Variants in SRP68 observed in about 807,000 individuals in gnomAD.
SRP68 encodes the protein signal recognition particle subunit SRP68.
Under a neutral mutation model 82.2 loss-of-function variants are expected in SRP68, and 15 were observed. That is an observed-to-expected ratio of 0.18 (90% CI 0.12 to 0.28). The LOEUF is 0.28. Among genes scored for constraint, SRP68 ranks in the 10% least tolerant of loss-of-function variants. The pLI is 1.00. For synonymous variants in SRP68, 261 were observed against 292.6 expected, an observed-to-expected ratio of 0.89 and a Z score of 1.10; for missense variants, 595 against 780.5, an observed-to-expected ratio of 0.76 and a Z score of 2.83.
chr17:76,064,240 A>G, intron 3 of SRP68, 69 bp from the exon 4 acceptor site: 2 of 1,420,266 alleles, frequency 1.4e-6, no homozygotes, highest in East Asian at 4.6e-5. Context: ...CTGAGGTGTA[A>G]TCTTCGGCTT....
Position 76,039,458 on chromosome 17 carries a change from C to A in SRP68, c.*248G>T, listed in dbSNP as rs2066572341. 1.5e-6 allele frequency: 1 copy of A among 648,942 alleles called. No homozygotes were observed. Among genetic ancestry groups the A allele is most frequent in the East Asian group, 3.0e-5 (1 of 33,124 alleles). The allele number at this position is 648,942 out of a possible 1,614,324, so 40.2% of individuals were successfully genotyped here. ...CTCACAGGGCACCAGACAGCAGCGG[C>A]CCCTTTCCCAGGAGGTACAGGAGAC... On this transcript the variant is annotated 3_prime_UTR_variant, in exon 16 of 16. Coordinates refer to ENST00000307877, the MANE Select transcript of SRP68 (RefSeq NM_014230.4).
In SRP68 at chr17:76,062,729, T is replaced by TTATATATA. The variant is rs200522360; in HGVS notation, c.562-1163_562-1156dup. On this transcript the variant is annotated intron_variant, in intron 4 of 15. Transcript: ENST00000307877. ...TATTATACAATATATTATATTTATT[T>TTATATATA]TATATATATATATATATATATATAT... Among the ~76,000 whole-genome samples the TTATATATA allele has an allele frequency of 9.9e-3, 143 of 14,504 alleles. 3 individuals are homozygous for TTATATATA. Among genetic ancestry groups the TTATATATA allele is most frequent in the South Asian group, 0.016 (11 of 708 alleles). The allele number at this position is 14,504 out of a possible 152,430, so 9.5% of individuals were successfully genotyped here.
chr17:76,041,969 C>T (rs1325637627), intron 13 of SRP68, among the ~76,000 whole-genome samples: 6 of 152,012 alleles, frequency 3.9e-5, no homozygotes, highest in African/African-American at 1.2e-4. Flanking sequence ...CTGCAAGCTC[C>T]GCCTCCCGCG....
At chr17:76,052,649 A>G (rs2066682118) in intron 8 of SRP68, among the ~76,000 whole-genome samples, 1 of 151,826 alleles carries the variant, frequency 6.6e-6, no homozygotes, top group Non-Finnish European at 1.5e-5. Context: ...CTAAAAATAC[A>G]AAAAATTAGC....
chr17:76,046,919 C>T (rs1473625087), intron 10 of SRP68, among the ~76,000 whole-genome samples: 6 of 152,012 alleles, frequency 3.9e-5, no homozygotes, highest in East Asian at 1.9e-4. Flanking sequence ...CCAGCCTGGG[C>T]GACAGAGCGA....
chr17:76,063,686 T>TCA (rs112370162), intron 4 of SRP68, among the ~76,000 whole-genome samples: 2 of 141,042 alleles, frequency 1.4e-5, no homozygotes, highest in Non-Finnish European at 3.1e-5. Flanking sequence ...AGACTCTGTC[T>TCA]GAAAAAAAAA....
chr17:76,062,574 TATACATTATATAA>T (rs1435668632), intron 4 of SRP68, among the ~76,000 whole-genome samples: 2 of 56,130 alleles, frequency 3.6e-5, no homozygotes, highest in African/African-American at 1.2e-4. Flanking sequence ...TATTATATAA[TATACATTATATAA>T]TATATAATAT....
chr17:76,068,455 G>GGA (rs1315521372), intron 2 of SRP68, among the ~76,000 whole-genome samples: 4 of 115,870 alleles, frequency 3.5e-5, no homozygotes, highest in Non-Finnish European at 7.3e-5. Context: ...GACTGTGTCT[G>GGA]AAAAAAAAAA....
At chr17:76,062,339 C>T (rs1332117450) in intron 4 of SRP68, among the ~76,000 whole-genome samples, 2 of 147,450 alleles carry the variant, frequency 1.4e-5, no homozygotes, top group African/African-American at 5.0e-5. Flanking sequence ...ACCTCTAGTC[C>T]CAACTACTCA....
intron 7 of SRP68, among the ~76,000 whole-genome samples, chr17:76,059,559 T>A (rs550028887): frequency 2.6e-5 from 4 of 152,006 alleles, no homozygotes; most frequent in Non-Finnish European, 5.9e-5. Context: ...TAAATAAATA[T>A]GGCAACCATG....
chr17:76,043,759 C>T, intron 13 of SRP68, 70 bp downstream of exon 13: 1 of 1,488,068 alleles, frequency 6.7e-7, no homozygotes, highest in Admixed American at 2.4e-5. Flanking sequence ...CTGTTGTACC[C>T]TCACAGCTCC....
chr17:76,039,369 A>G lies in SRP68; in HGVS notation c.*337T>C, dbSNP rs1218650923. ...TGAAGAAGCATGACAAAGCGTTTCA[A>G]GGCCCCATCTGTGCCTGGTGTGGAC... On this transcript the variant is annotated 3_prime_UTR_variant, in exon 16 of 16. Transcript: ENST00000307877. The G allele has an allele frequency of 5.9e-6, 3 of 512,164 alleles. No individual in the cohort carries two copies. Among genetic ancestry groups the G allele is most frequent in the Non-Finnish European group, 1.1e-5 (3 of 263,610 alleles). The allele number at this position is 512,164 out of a possible 1,614,324, so 31.7% of individuals were successfully genotyped here. A position where few individuals can be genotyped will look rare whatever the true frequency, so the allele number is the denominator to read the frequency against.
chr17:76,066,173 T>C (rs570767149), intron 3 of SRP68, among the ~76,000 whole-genome samples: 1 of 152,166 alleles, frequency 6.6e-6, no homozygotes, highest in South Asian at 2.1e-4. Flanking sequence ...CACACCAGCC[T>C]GGCGCAGTAG....
chr17:76,048,232 C>T lies in SRP68; in HGVS notation c.1078-262G>A, dbSNP rs190844073. ...GATGAGACTTCCTGTCCACTCCTCC[C>T]CGTGCCTAACCCCAAAGCATTAAAA... On this transcript the variant is annotated intron_variant, in intron 9 of 15. Coordinates refer to ENST00000307877, the MANE Select transcript of SRP68 (RefSeq NM_014230.4). 5 of 206,012 alleles carry T rather than the reference C, an allele frequency of 2.4e-5. No individual in the cohort carries two copies. The East Asian group carries it at 5.0e-4, about 21-fold the overall frequency. The allele number at this position is 206,012 out of a possible 1,614,324, so 12.8% of individuals were successfully genotyped here. A position where few individuals can be genotyped will look rare whatever the true frequency, so the allele number is the denominator to read the frequency against.
At chr17:76,064,948 G>A (rs1377407864) in intron 3 of SRP68, among the ~76,000 whole-genome samples, 1 of 151,994 alleles carries the variant, frequency 6.6e-6, no homozygotes, top group Non-Finnish European at 1.5e-5. Context: ...GTGTGACTGT[G>A]GGCAAAGTAC....
intron 8 of SRP68, chr17:76,053,728 A>C: frequency 1.2e-6 from 1 of 826,274 alleles, no homozygotes; most frequent in Non-Finnish European, 1.5e-6. Context: ...TCAGACCACT[A>C]ATCTCTGAAG....
At chr17:76,042,120 G>GT (rs1482883773) in intron 13 of SRP68, among the ~76,000 whole-genome samples, 1 of 151,902 alleles carries the variant, frequency 6.6e-6, no homozygotes, top group African/African-American at 2.4e-5. Flanking sequence ...TCCTGACCTC[G>GT]TGATCTGCCC....
chr17:76,062,930 C>T (rs963347248), intron 4 of SRP68, among the ~76,000 whole-genome samples: 2 of 148,664 alleles, frequency 1.3e-5, no homozygotes. Context: ...GCCACTACGC[C>T]CAGCTAATTT....
At chr17:76,066,141 A>G (rs1010687981) in intron 3 of SRP68, among the ~76,000 whole-genome samples, 18 of 152,056 alleles carry the variant, frequency 1.2e-4, no homozygotes, top group African/African-American at 4.3e-4. Context: ...ACTGAAATAC[A>G]AGACTCTTCT....
Sources: allele counts gnomAD v4.1 joint callset (sites outside exome capture counted in the v4.1 genomes callset), GRCh38; gene constraint gnomAD v4.1.1; transcripts MANE v1.5; gene names NCBI Gene and HGNC (gene_info 2026-07-23, HGNC 2026-07-21).